Variants in MRGPRF observed in about 807,000 individuals in gnomAD.
The protein encoded by MRGPRF is mas-related G protein-coupled receptor member F.
MRGPRF carries 2 observed loss-of-function variants against 3.3 expected under a neutral mutation model. The ratio of observed to expected loss-of-function variants is 0.61; its 90% CI spans 0.25 to 1.92. MRGPRF has a LOEUF of 1.92. MRGPRF is among the 40% of genes most tolerant of loss of function. MRGPRF has a pLI of 0.16. For synonymous variants in MRGPRF, 242 were observed against 222.7 expected, an observed-to-expected ratio of 1.09 and a Z score of -0.77; for missense variants, 500 against 476.0, an observed-to-expected ratio of 1.05 and a Z score of -0.47.
intron 2 of MRGPRF, among the ~76,000 whole-genome samples, chr11:69,007,652 T>C (rs1860516085): frequency 1.3e-5 from 2 of 152,230 alleles, no homozygotes; most frequent in Non-Finnish European, 2.9e-5. Flanking sequence ...AATCTTGCAA[T>C]GTTTCAACAA....
chr11:69,006,780 T>A (rs1274391115), intron 2 of MRGPRF, among the ~76,000 whole-genome samples: 1 of 152,072 alleles, frequency 6.6e-6, no homozygotes, highest in Non-Finnish European at 1.5e-5. Context: ...CGCGGCACCA[T>A]GCCCGGCTAA....
chr11:69,005,485 GACGT>G lies in MRGPRF; in HGVS notation c.821_824del (p.Tyr274SerfsTer148). 1 of 1,584,356 alleles carries G rather than the reference GACGT, an allele frequency of 6.3e-7. No individual in the cohort carries two copies. The highest frequency in any genetic ancestry group is 8.6e-7 in the Non-Finnish European group (1 of 1,165,354). Reference sequence around the variant, plus strand: ...TGTTGATGCAGATGCACAGGTCAGTGACGTACTCGGGGAAGGGGGCCGGGATCTG... The same window carrying G: ...TGTTGATGCAGATGCACAGGTCAGTGACTCGGGGAAGGGGGCCGGGATCTG... On this transcript the variant is annotated frameshift_variant, in exon 3 of 3. Coordinates refer to ENST00000309099, the MANE Select transcript of MRGPRF (RefSeq NM_145015.5). LOFTEE classifies it high-confidence loss of function.
At chr11:69,008,656 CCT>C (rs1860534344) in intron 2 of MRGPRF, among the ~76,000 whole-genome samples, 1 of 152,180 alleles carries the variant, frequency 6.6e-6, no homozygotes, top group Non-Finnish European at 1.5e-5. Context: ...AGGCTCAACC[CCT>C]GTCGGCTGGT....
Position 69,005,021 on chromosome 11 carries a change from G to A in MRGPRF, c.*257C>T. On this transcript the variant is annotated 3_prime_UTR_variant, in exon 3 of 3. Transcript: ENST00000309099. Reference sequence around the variant, plus strand: ...CAAGGAGGGGCCCCACCACCTGGGGGCAACTTCTGTACAAGAGGTCTCTAG... The same window carrying A: ...CAAGGAGGGGCCCCACCACCTGGGGACAACTTCTGTACAAGAGGTCTCTAG... 2.2e-6 allele frequency: 1 copy of A among 445,146 alleles called. No homozygotes were observed. Among genetic ancestry groups the A allele is most frequent in the South Asian group, 4.8e-5 (1 of 20,998 alleles). 27.6% of individuals were successfully genotyped at this position (445,146 alleles called of 1,614,324 possible).
Position 69,005,437 on chromosome 11 carries a change from G to A in MRGPRF, c.873C>T (p.Tyr291=). ...GCGACTTGTCCCTCCCGGCCAGGAA[G>A]TAGACGATGGGCTTGGCGCTGCTGT... ...CINSSAKPIV[Y]FLAGRDKSQR... is the part of the protein sequence containing the mutation. The change falls in exon 3 of 3, where the codon TAC becomes TAT. Residue 291 remains tyrosine, a synonymous_variant. Transcript: ENST00000309099. 2 of 1,590,116 alleles carry A rather than the reference G, an allele frequency of 1.3e-6. No individual in the cohort carries two copies. Among genetic ancestry groups the A allele is most frequent in the Non-Finnish European group, 1.7e-6 (2 of 1,168,550 alleles).
chr11:69,011,785 C>G (rs1030259998), intron 1 of MRGPRF, among the ~76,000 whole-genome samples: 2 of 152,186 alleles, frequency 1.3e-5, no homozygotes, highest in Non-Finnish European at 2.9e-5. Context: ...CAGAGATGTC[C>G]TGACTCACAG....
intron 1 of MRGPRF, among the ~76,000 whole-genome samples, chr11:69,011,675 C>T (rs1377625903): frequency 1.3e-5 from 2 of 152,202 alleles, no homozygotes; most frequent in Non-Finnish European, 2.9e-5. Context: ...CTTCCGGGCG[C>T]CTGGTAAGAG....
chr11:69,012,387 C>G (rs1469232785), intron 1 of MRGPRF: 1 of 152,358 alleles, frequency 6.6e-6, no homozygotes, highest in Non-Finnish European at 1.5e-5. Flanking sequence ...CTCGCTCCCC[C>G]AGACACAGAG....
Position 69,005,021 on chromosome 11 carries a change from G to T in MRGPRF, c.*257C>A, listed in dbSNP as rs1860438522. ...CAAGGAGGGGCCCCACCACCTGGGG[G>T]CAACTTCTGTACAAGAGGTCTCTAG... On this transcript the variant is annotated 3_prime_UTR_variant, in exon 3 of 3. Transcript: ENST00000309099. The T allele has an allele frequency of 4.5e-6, 2 of 445,146 alleles. No homozygotes were observed. Among genetic ancestry groups the T allele is most frequent in the East Asian group, 7.7e-5 (2 of 26,088 alleles). The allele number at this position is 445,146 out of a possible 1,614,324, so 27.6% of individuals were successfully genotyped here.
In MRGPRF at chr11:69,005,769, A is replaced by C; in HGVS notation, c.541T>G (p.Phe181Val). The C allele has an allele frequency of 2.6e-6, 4 of 1,546,876 alleles. No homozygotes were observed. The highest frequency in any genetic ancestry group is 3.5e-6 in the Non-Finnish European group (4 of 1,145,044). The change falls in exon 3 of 3, where the codon TTC becomes GTC. Residue 181 changes from phenylalanine (F) to valine (V), a missense_variant. Physicochemically the swap from Phe to Val is conservative, Grantham distance 50 (BLOSUM62 -1). Transcript: ENST00000309099. ...SLLVTCLHNY[F>V]CVFLGRGAPG... ...GCCCCGCGGCCCAGGAACACGCAGA[A>C]GTAGTTGTGCAGGCAGGTGACCAGG...
At chr11:69,013,371 G>C (rs1234754448), upstream of MRGPRF, 1 of 152,344 alleles carries the variant, frequency 6.6e-6, no homozygotes, top group African/African-American at 2.4e-5. Context: ...GGAATGCCCC[G>C]CTCAGGAGCC....
At chr11:69,011,926 C>T (rs1374073716) in intron 1 of MRGPRF, among the ~76,000 whole-genome samples, 3 of 152,260 alleles carry the variant, frequency 2.0e-5, no homozygotes, top group East Asian at 1.9e-4. Flanking sequence ...CCCTCTCTAC[C>T]ATCTGCGTCC....
chr11:69,005,428 G>C lies in MRGPRF; in HGVS notation c.882C>G (p.Ala294=). ...SSAKPIVYFL[A]GRDKSQRLWE... is the part of the protein sequence containing the mutation. ...ACAGCCGCTGCGACTTGTCCCTCCC[G>C]GCCAGGAAGTAGACGATGGGCTTGG... The change falls in exon 3 of 3, where the codon GCC becomes GCG. Residue 294 remains alanine, a synonymous_variant. Coordinates refer to ENST00000309099, the MANE Select transcript of MRGPRF (RefSeq NM_145015.5). 2 of 1,588,334 alleles carry C rather than the reference G, an allele frequency of 1.3e-6. No individual in the cohort carries two copies. Among genetic ancestry groups the C allele is most frequent in the Non-Finnish European group, 1.7e-6 (2 of 1,167,648 alleles).
intron 2 of MRGPRF, among the ~76,000 whole-genome samples, 164 bp from the exon 3 acceptor site, chr11:69,006,425 C>T (rs1860492781): frequency 1.3e-5 from 2 of 152,124 alleles, no homozygotes; most frequent in African/African-American, 4.8e-5. Flanking sequence ...GGCTGCAACT[C>T]TATCCTCAAA....
intron 2 of MRGPRF, 92 bp downstream of exon 2, chr11:69,009,762 G>C (rs567573915): frequency 2.5e-5 from 36 of 1,450,990 alleles, no homozygotes; most frequent in South Asian, 1.0e-4. Flanking sequence ...GGCCAGGAAG[G>C]GGGGGATGGG....
At position 69,004,990 on chromosome 11, in the gene MRGPRF, C is replaced by T. The variant is rs1055682899; in HGVS notation, c.*288G>A. On this transcript the variant is annotated 3_prime_UTR_variant, in exon 3 of 3. Coordinates refer to ENST00000309099, the MANE Select transcript of MRGPRF (RefSeq NM_145015.5). Reference sequence around the variant, plus strand: ...GACCTCCTCTCTTTTACCAACCAGCCTAGGGCAAGGAGGGGCCCCACCACC... The same window carrying T: ...GACCTCCTCTCTTTTACCAACCAGCTTAGGGCAAGGAGGGGCCCCACCACC... The T allele has an allele frequency of 2.6e-5, 10 of 386,306 alleles. No homozygotes were observed. The Admixed American group carries it at 4.3e-4, about 17-fold the overall frequency. The allele number at this position is 386,306 out of a possible 1,614,324, so 23.9% of individuals were successfully genotyped here.
In MRGPRF at chr11:69,005,438, T is replaced by C. The variant is rs767801886; in HGVS notation, c.872A>G (p.Tyr291Cys). 12 of 1,589,968 alleles carry C rather than the reference T, an allele frequency of 7.5e-6. No individual in the cohort carries two copies. The Admixed American group carries it at 2.1e-4, about 28-fold the overall frequency. ...CGACTTGTCCCTCCCGGCCAGGAAG[T>C]AGACGATGGGCTTGGCGCTGCTGTT... ...CINSSAKPIV[Y>C]FLAGRDKSQR... Residue 291 changes from tyrosine (Y) to cysteine (C), a missense_variant, in exon 3 of 3, where the codon TAC (tyrosine) becomes TGC (cysteine). Coordinates refer to ENST00000309099, the MANE Select transcript of MRGPRF (RefSeq NM_145015.5).
Position 69,006,619 on chromosome 11 carries a change from CTTTT to C in MRGPRF, c.49-362_49-359del, listed in dbSNP as rs11326908. On this transcript the variant is annotated intron_variant, in intron 2 of 2. Transcript: ENST00000309099. ...GCACAAAAAACTGCAGAGCCTTTCC[CTTTT>C]TTTTTTTTTTTTTTTTTGAGACAGA... Among the ~76,000 whole-genome samples the C allele has an allele frequency of 5.7e-3, 611 of 107,908 alleles. 5 individuals are homozygous for C. Among genetic ancestry groups the C allele is most frequent in the African/African-American group, 0.017 (458 of 26,724 alleles). The allele number at this position is 107,908 out of a possible 152,430, so 70.8% of individuals were successfully genotyped here. A position where few individuals can be genotyped will look rare whatever the true frequency, so the allele number is the denominator to read the frequency against.
intron 2 of MRGPRF, among the ~76,000 whole-genome samples, chr11:69,008,610 C>T (rs1860533460): frequency 6.6e-6 from 1 of 152,194 alleles, no homozygotes; most frequent in African/African-American, 2.4e-5. Context: ...GTAAGGGGGC[C>T]CTGCTCCCTC....
Sources: allele counts gnomAD v4.1 joint callset (sites outside exome capture counted in the v4.1 genomes callset), GRCh38; gene constraint gnomAD v4.1.1; transcripts MANE v1.5; gene names NCBI Gene and HGNC (gene_info 2026-07-23, HGNC 2026-07-21).